NTM: variants seen among roughly 807,000 people sequenced by gnomAD.
NTM encodes the protein IgLON family member 2.
NTM carries 13 observed loss-of-function variants against 42.1 expected under a neutral mutation model. That is an observed-to-expected ratio of 0.31 (90% CI 0.20 to 0.49). NTM has a LOEUF of 0.49. Ranked by LOEUF, NTM falls within the 20% of genes least tolerant of loss-of-function variation. The pLI, the probability that NTM is intolerant of heterozygous loss-of-function variation, is 0.99. For synonymous variants in NTM, 187 were observed against 179.2 expected (o/e 1.04, Z -0.35); for missense variants, 373 against 452.8 (o/e 0.82, Z 1.60).
chr11:132,245,527 T>C (rs916662325), intron 4 of NTM, among the ~76,000 whole-genome samples: 1 of 152,044 alleles, frequency 6.6e-6, no homozygotes, highest in African/African-American at 2.4e-5. Flanking sequence ...CCTTTTTAGA[T>C]ACATCAATTA....
rs759790136 is a variant in NTM at position 131,973,795 on chromosome 11, C to T, written c.167+62147C>T. ...TTGCACCACTGCACTCTACCCTGGG[C>T]GACAGAGTGAGACTCAGTCTGAGAA... On this transcript the variant is annotated intron_variant, in intron 2 of 8. Coordinates refer to ENST00000683400, the MANE Select transcript of NTM (RefSeq NM_001352005.2). Among the ~76,000 whole-genome samples the T allele has an allele frequency of 4.6e-5, 7 of 152,124 alleles. No individual in the cohort carries two copies. In the East Asian group the frequency reaches 7.7e-4, roughly 17 times the overall value.
rs112728364 is a variant in NTM at position 131,855,082 on chromosome 11, C to T, written c.83-56482C>T. On this transcript the variant is annotated intron_variant, in intron 1 of 8. Transcript: ENST00000683400. ...TGCTGAAATGCAGCAGAGTCCCAGT[C>T]CTGGACAGGGAACACAGGTGATCTG... is the stretch of plus-strand genomic sequence containing the variant. Among the ~76,000 whole-genome samples the T allele has an allele frequency of 7.6e-3, 1,153 of 152,136 alleles. 17 individuals are homozygous for T. Among genetic ancestry groups the T allele is most frequent in the African/African-American group, 0.027 (1,101 of 41,490 alleles).
intron 2 of NTM, among the ~76,000 whole-genome samples, chr11:131,944,137 A>G (rs1249682367): frequency 1.3e-5 from 2 of 152,184 alleles, no homozygotes; most frequent in Non-Finnish European, 2.9e-5. Context: ...TGCTTTTGGT[A>G]GCAGATAAAT....
At chr11:132,225,543 G>A (rs953414767) in intron 4 of NTM, among the ~76,000 whole-genome samples, 1 of 152,280 alleles carries the variant, frequency 6.6e-6, no homozygotes, top group Non-Finnish European at 1.5e-5. Context: ...CTGGTGCTCA[G>A]GGAAGTGATG....
intron 1 of NTM, among the ~76,000 whole-genome samples, chr11:131,884,711 C>T (rs1168235574): frequency 6.6e-6 from 1 of 152,106 alleles, no homozygotes; most frequent in Non-Finnish European, 1.5e-5. Context: ...GGGGGCCATT[C>T]GGGAAGAGGC....
At chr11:131,953,484 C>T (rs1189073058) in intron 2 of NTM, among the ~76,000 whole-genome samples, 1 of 152,060 alleles carries the variant, frequency 6.6e-6, no homozygotes, top group Non-Finnish European at 1.5e-5. Flanking sequence ...TGGAGCATGA[C>T]ATAAAGTGAA....
chr11:131,691,697 C>T (rs935885984), intron 1 of NTM, among the ~76,000 whole-genome samples: 1 of 152,222 alleles, frequency 6.6e-6, no homozygotes, highest in African/African-American at 2.4e-5. Context: ...TCCCGCTCGG[C>T]CCCGCCAGGT....
chr11:132,272,398 G>T (rs1049946869), intron 4 of NTM, among the ~76,000 whole-genome samples: 3 of 152,012 alleles, frequency 2.0e-5, no homozygotes, highest in Non-Finnish European at 4.4e-5. Flanking sequence ...TCATCAGCTT[G>T]TCAATCTCAG....
intron 1 of NTM, among the ~76,000 whole-genome samples, chr11:131,618,334 C>G (rs1430612589): frequency 6.6e-6 from 1 of 152,188 alleles, no homozygotes; most frequent in Non-Finnish European, 1.5e-5. Context: ...CCCTGATGCA[C>G]TGGTACCAAA....
At chr11:131,832,852 A>G (rs1462642798) in intron 1 of NTM, among the ~76,000 whole-genome samples, 5 of 152,248 alleles carry the variant, frequency 3.3e-5, no homozygotes, top group African/African-American at 1.2e-4. Context: ...GGGCGCTTTA[A>G]AAACTGTTAA....
At chr11:131,592,642 C>A (rs1486608702) in intron 1 of NTM, among the ~76,000 whole-genome samples, 1 of 115,116 alleles carries the variant, frequency 8.7e-6, no homozygotes, top group Non-Finnish European at 1.7e-5. Context: ...CACACACACA[C>A]CCCAAACACA....
chr11:131,503,764 C>T (rs370461748), intron 1 of NTM, among the ~76,000 whole-genome samples: 5 of 152,248 alleles, frequency 3.3e-5, no homozygotes, highest in Non-Finnish European at 7.4e-5. Flanking sequence ...CCTTCCTTGG[C>T]CTCCTAAAGT....
chr11:131,904,107 C>T (rs541956091), intron 1 of NTM, among the ~76,000 whole-genome samples: 1 of 152,188 alleles, frequency 6.6e-6, no homozygotes, highest in South Asian at 2.1e-4. Flanking sequence ...CAGTTGGACC[C>T]ATATGTTATT....
chr11:131,843,396 T>C (rs1379751424), intron 1 of NTM, among the ~76,000 whole-genome samples: 1 of 152,234 alleles, frequency 6.6e-6, no homozygotes, highest in East Asian at 1.9e-4. Context: ...TTCAGTTACT[T>C]GCCTTGTTTA....
At chr11:131,639,365 C>T (rs1481226761) in intron 1 of NTM, among the ~76,000 whole-genome samples, 4 of 152,088 alleles carry the variant, frequency 2.6e-5, no homozygotes, top group African/African-American at 9.7e-5. Flanking sequence ...ATTTATTTTC[C>T]AGAGAAAATG....
intron 2 of NTM, among the ~76,000 whole-genome samples, chr11:132,128,300 C>A (rs1358795445): frequency 6.6e-6 from 1 of 151,912 alleles, no homozygotes; most frequent in Non-Finnish European, 1.5e-5. Context: ...AATAGTAGAG[C>A]AATTTCTAAA....
chr11:131,575,589 G>A (rs1392342597), intron 1 of NTM, among the ~76,000 whole-genome samples: 1 of 152,188 alleles, frequency 6.6e-6, no homozygotes, highest in Non-Finnish European at 1.5e-5. Flanking sequence ...GAGTTGAGAT[G>A]ACCGAATGGG....
At chr11:131,516,289 C>T (rs1026737942) in intron 1 of NTM, among the ~76,000 whole-genome samples, 1 of 152,190 alleles carries the variant, frequency 6.6e-6, no homozygotes, top group Non-Finnish European at 1.5e-5. Context: ...TTTATTAATT[C>T]AGGGGCGTGT....
chr11:131,483,603 T>A (rs1953848085), intron 1 of NTM, among the ~76,000 whole-genome samples: 2 of 152,192 alleles, frequency 1.3e-5, no homozygotes, highest in Admixed American at 1.3e-4. Context: ...CTTCTCCAGC[T>A]CCCCTTGCCA....
Sources: gnomAD v4.1 joint callset for allele counts (sites outside exome capture counted in the v4.1 genomes callset) on GRCh38, gnomAD v4.1.1 for gene constraint, MANE v1.5 for transcripts, NCBI Gene and HGNC (gene_info 2026-07-23, HGNC 2026-07-21) for gene names.